Variants in RBFOX1 observed in about 807,000 individuals in gnomAD.
RBFOX1 encodes RNA binding fox-1 homolog 1, also known as RNA binding protein fox-1 homolog 1.
RBFOX1 carries 8 observed loss-of-function variants against 57.7 expected under a neutral mutation model. That is an observed-to-expected ratio of 0.14 (90% CI 0.08 to 0.25). The LOEUF is 0.25. Among genes scored for constraint, RBFOX1 ranks in the 10% least tolerant of loss-of-function variants. RBFOX1 has a pLI of 1.00. For synonymous variants in RBFOX1, 326 were observed against 222.4 expected (o/e 1.47, Z -4.15); for missense variants, 611 against 548.5 (o/e 1.11, Z -1.14).
At chr16:6,451,480 C>G (rs1358656726) in intron 2 of RBFOX1, among the ~76,000 whole-genome samples, 4 of 152,126 alleles carry the variant, frequency 2.6e-5, no homozygotes, top group Non-Finnish European at 5.9e-5. Context: ...TCACTCGGGC[C>G]AAAATCCAGT....
intron 3 of RBFOX1, among the ~76,000 whole-genome samples, chr16:7,030,732 T>G (rs753028398): frequency 9.2e-5 from 14 of 152,234 alleles, no homozygotes; most frequent in Non-Finnish European, 1.8e-4. Context: ...TGGGTGGACC[T>G]GAATTTGAAG....
chr16:5,683,512 G>C (rs1260460947), intron 3 of RBFOX1, among the ~76,000 whole-genome samples: 2 of 151,988 alleles, frequency 1.3e-5, no homozygotes, highest in Non-Finnish European at 2.9e-5. Context: ...AGTTTAATCA[G>C]CTTCCAGTGC....
intron 5 of RBFOX1, among the ~76,000 whole-genome samples, chr16:7,568,609 G>T (rs1305102056): frequency 1.3e-5 from 2 of 152,050 alleles, no homozygotes; most frequent in African/African-American, 4.8e-5. Context: ...TAACTGGCTG[G>T]GCGCGGTGGC....
At chr16:6,443,753 AT>A (rs2094432828) in intron 2 of RBFOX1, among the ~76,000 whole-genome samples, 1 of 140,098 alleles carries the variant, frequency 7.1e-6, no homozygotes, top group African/African-American at 3.2e-5. Context: ...CCATCTGTCC[AT>A]CTACCCATCT....
intron 2 of RBFOX1, among the ~76,000 whole-genome samples, chr16:6,620,941 C>A (rs1005404084): frequency 2.6e-5 from 4 of 152,238 alleles, no homozygotes; most frequent in African/African-American, 9.6e-5. Context: ...AAATTTTATT[C>A]TCTCACAATT....
At chr16:5,927,790 T>G (rs996924995) in intron 4 of RBFOX1, among the ~76,000 whole-genome samples, 1 of 152,200 alleles carries the variant, frequency 6.6e-6, no homozygotes, top group East Asian at 1.9e-4. Context: ...ATTTCTGTTA[T>G]TTGTGACAAA....
At chr16:5,582,475 G>T (rs765394161) in intron 2 of RBFOX1, among the ~76,000 whole-genome samples, 10 of 151,744 alleles carry the variant, frequency 6.6e-5, no homozygotes, top group Non-Finnish European at 1.3e-4. Context: ...GACCAGAGAG[G>T]TTAAACAGCC....
chr16:7,015,508 T>C (rs552843239), intron 3 of RBFOX1, among the ~76,000 whole-genome samples: 1 of 152,262 alleles, frequency 6.6e-6, no homozygotes, highest in East Asian at 1.9e-4. Context: ...GGAAAAAGTG[T>C]TTTTCCCTTC....
chr16:5,317,468 G>C (rs2064274062), intron 1 of RBFOX1, among the ~76,000 whole-genome samples: 1 of 152,198 alleles, frequency 6.6e-6, no homozygotes, highest in African/African-American at 2.4e-5. Context: ...AATTAGTTGG[G>C]CGTGGTGGCG....
At chr16:6,943,911 A>G (rs1346631427) in intron 3 of RBFOX1, among the ~76,000 whole-genome samples, 2 of 152,098 alleles carry the variant, frequency 1.3e-5, no homozygotes, top group Non-Finnish European at 2.9e-5. Flanking sequence ...TCGTCTATAA[A>G]TTTGTTCTGA....
chr16:6,467,999 T>G (rs1441099244), intron 2 of RBFOX1, among the ~76,000 whole-genome samples: 1 of 152,158 alleles, frequency 6.6e-6, no homozygotes, highest in Non-Finnish European at 1.5e-5. Flanking sequence ...CAGAGCCTCT[T>G]TGAGAGTTAA....
chr16:7,206,034 G>A (rs1259477167), intron 4 of RBFOX1, among the ~76,000 whole-genome samples: 3 of 152,194 alleles, frequency 2.0e-5, no homozygotes, highest in African/African-American at 4.8e-5. Flanking sequence ...ACCCAGAGGC[G>A]AGTAGGATGT....
chr16:6,116,707 G>T (rs2096499110), intron 1 of RBFOX1, among the ~76,000 whole-genome samples: 2 of 152,190 alleles, frequency 1.3e-5, no homozygotes, highest in Non-Finnish European at 2.9e-5. Context: ...TCAAGTCTGA[G>T]TTGGGCTTCT....
chr16:7,209,638 T>C (rs2090718980), intron 4 of RBFOX1, among the ~76,000 whole-genome samples: 1 of 152,322 alleles, frequency 6.6e-6, no homozygotes, highest in South Asian at 2.1e-4. Context: ...AAATTTTTCC[T>C]TTTTGAGCAC....
intron 4 of RBFOX1, among the ~76,000 whole-genome samples, chr16:7,290,175 A>G (rs1405114225): frequency 6.6e-6 from 1 of 152,216 alleles, no homozygotes; most frequent in Non-Finnish European, 1.5e-5. Flanking sequence ...TAAAAGATGC[A>G]TTTTATGACT....
At chr16:7,460,859 G>C (rs1461419794) in intron 4 of RBFOX1, among the ~76,000 whole-genome samples, 2 of 152,084 alleles carry the variant, frequency 1.3e-5, no homozygotes, top group Non-Finnish European at 2.9e-5. Flanking sequence ...GATATGTCTT[G>C]GGCAGAGTCT....
chr16:6,926,922 T>G (rs1442466646), intron 3 of RBFOX1, among the ~76,000 whole-genome samples: 1 of 152,188 alleles, frequency 6.6e-6, no homozygotes, highest in Non-Finnish European at 1.5e-5. Context: ...GCCTGGGTTT[T>G]GTTGTCACTG....
intron 2 of RBFOX1, among the ~76,000 whole-genome samples, chr16:6,445,871 G>A (rs190563725): frequency 6.6e-6 from 1 of 151,730 alleles, no homozygotes; most frequent in East Asian, 2.0e-4. Flanking sequence ...GTGAGCCACT[G>A]CGCCCGGCCA....
chr16:7,037,706 G>A (rs2044937309), intron 3 of RBFOX1, among the ~76,000 whole-genome samples: 1 of 152,176 alleles, frequency 6.6e-6, no homozygotes, highest in African/African-American at 2.4e-5. Flanking sequence ...GGGCACATGG[G>A]TAGACCCAGG....
Sources: gnomAD v4.1 joint callset for allele counts (sites outside exome capture counted in the v4.1 genomes callset) on GRCh38, gnomAD v4.1.1 for gene constraint, MANE v1.5 for transcripts, NCBI Gene and HGNC (gene_info 2026-07-23, HGNC 2026-07-21) for gene names.